The following CACNA1B variants were observed in gnomAD, a reference collection of about 807,000 sequenced individuals.
CACNA1B encodes voltage-dependent N-type calcium channel subunit alpha-1B.
A neutral mutation model predicts 247.2 loss-of-function variants in CACNA1B; 70 were observed. The ratio of observed to expected loss-of-function variants is 0.28; its 90% confidence interval spans 0.23 to 0.35. CACNA1B has a LOEUF of 0.35. Ranked by LOEUF, CACNA1B falls within the 10% of genes least tolerant of loss-of-function variation. CACNA1B has a pLI of 1.00. For synonymous variants in CACNA1B, 1,231 were observed against 1,294.4 expected (o/e 0.95, Z 1.05); for missense variants, 2,367 against 3,197.4 (o/e 0.74, Z 6.26).
intron 3 of CACNA1B, among the ~76,000 whole-genome samples, chr9:137,895,139 C>CA (rs1325313927): frequency 6.6e-6 from 1 of 152,186 alleles, no homozygotes; most frequent in Non-Finnish European, 1.5e-5. Context: ...TGTGCTTTAT[C>CA]AAAAACCAAC....
chr9:138,059,528 G>C lies in CACNA1B; in HGVS notation c.4585-126G>C, dbSNP rs546530177. On this transcript the variant is annotated intron_variant, in intron 30 of 46. Coordinates refer to ENST00000371372, the MANE Select transcript of CACNA1B (RefSeq NM_000718.4). This position sits in a 1 kb window ranked among gnomAD's most constrained non-coding sequence, Gnocchi z 4.2. ...TGTGCTGTGCCCCCTGGGGTGGCCT[G>C]TCTGCCCTGTGCTCAGGGTCTATCA... is the stretch of plus-strand genomic sequence containing the variant. The C allele has an allele frequency of 2.6e-5, 18 of 692,026 alleles. No individual in the cohort carries two copies. The highest frequency in any genetic ancestry group is 1.8e-4 in the African/African-American group (10 of 56,688). 42.9% of individuals were successfully genotyped at this position (692,026 alleles called of 1,614,324 possible). A position where few individuals can be genotyped will look rare whatever the true frequency, so the allele number is the denominator to read the frequency against.
In CACNA1B at chr9:137,892,790, T is replaced by C. The variant is rs1957121232; in HGVS notation, c.530+9907T>C. Among the ~76,000 whole-genome samples the C allele has an allele frequency of 2.0e-5, 3 of 152,220 alleles. No homozygotes were observed. In the South Asian group the frequency reaches 6.2e-4, roughly 32 times the overall value. On this transcript the variant is annotated intron_variant, in intron 3 of 46. Transcript: ENST00000371372. ...AGTACAGCGTGTGGGGAGGGAATGGTGTCCCTGTTCCCATCACGGGCCTAC... is the reference window on the plus strand; with the variant it reads ...AGTACAGCGTGTGGGGAGGGAATGGCGTCCCTGTTCCCATCACGGGCCTAC...
rs1956924554 is a variant in CACNA1B, at chr9:137,881,717, G to C, written c.391-1027G>C. Among the ~76,000 whole-genome samples the C allele has an allele frequency of 6.6e-6, 1 of 152,188 alleles. No individual in the cohort carries two copies. ...ACGCGTGTGCTCACGAGGAGTCTTT[G>C]GGGTCTCCCTAAGCTCCACACAGCC... On this transcript the variant is annotated intron_variant, in intron 2 of 46. Coordinates refer to ENST00000371372, the MANE Select transcript of CACNA1B (RefSeq NM_000718.4). This position sits in a 1 kb window ranked among gnomAD's most constrained non-coding sequence, Gnocchi z 4.3.
chr9:137,941,505 T>C (rs1487471530), intron 6 of CACNA1B, among the ~76,000 whole-genome samples: 1 of 152,230 alleles, frequency 6.6e-6, no homozygotes, highest in East Asian at 1.9e-4. Context: ...ATGACCATAC[T>C]GCCAAAAGCA....
At position 138,003,986 on chromosome 9, in the gene CACNA1B, G is replaced by A. The variant is rs375309045; in HGVS notation, c.1975-2781G>A. On this transcript the variant is annotated intron_variant, in intron 15 of 46. Coordinates refer to ENST00000371372, the MANE Select transcript of CACNA1B (RefSeq NM_000718.4). The stretch of plus-strand genomic sequence containing the variant: ...TGTCAAAGGGCGTGACAGTGCCATG[G>A]GTGGTGTGAGGATGTGATGAAGAAC... 6.6e-4 allele frequency among the ~76,000 whole-genome samples: 101 copies of A among 152,172 alleles called. 2 individuals are homozygous for A. The highest frequency in any genetic ancestry group is 2.2e-3 in the African/African-American group (93 of 41,512).
In CACNA1B at chr9:138,117,932, C is replaced by A. The variant is rs1377407946; in HGVS notation, c.5778-14C>A. On this transcript the variant is annotated splice_polypyrimidine_tract_variant and intron_variant, in intron 42 of 46. Coordinates refer to ENST00000371372, the MANE Select transcript of CACNA1B (RefSeq NM_000718.4). ...TCTGACCCTACAGGAATCTGTTTGT[C>A]TTCTCTGCCACAGACAAAACCAAGA... is the stretch of plus-strand genomic sequence containing the variant. 6.4e-6 allele frequency: 10 copies of A among 1,557,112 alleles called. No homozygotes were observed. Among genetic ancestry groups the A allele is most frequent in the African/African-American group, 1.4e-5 (1 of 73,590 alleles).
chr9:137,958,481 G>C (rs565467623), intron 10 of CACNA1B, among the ~76,000 whole-genome samples: 3 of 152,288 alleles, frequency 2.0e-5, no homozygotes, highest in African/African-American at 7.2e-5. Context: ...TAATCAATTT[G>C]TCTGATTCTA....
At chr9:137,896,012 G>A (rs1311342912) in intron 3 of CACNA1B, among the ~76,000 whole-genome samples, 1 of 152,152 alleles carries the variant, frequency 6.6e-6, no homozygotes. Flanking sequence ...GGCCAAGACA[G>A]GCAGATCACG....
At chr9:137,987,060 G>A (rs1005711677) in intron 15 of CACNA1B, among the ~76,000 whole-genome samples, 23 of 152,194 alleles carry the variant, frequency 1.5e-4, no homozygotes, top group Admixed American at 2.0e-4. Flanking sequence ...CAGCCCCTAC[G>A]GTGAAGGAAG....
chr9:137,987,595 C>T (rs1255897786), intron 15 of CACNA1B, among the ~76,000 whole-genome samples: 3 of 152,226 alleles, frequency 2.0e-5, no homozygotes, highest in African/African-American at 7.2e-5. Flanking sequence ...TGCTGCAGGC[C>T]AGGGGCTTGG....
At chr9:137,968,354 C>T (rs1157244203) in intron 10 of CACNA1B, among the ~76,000 whole-genome samples, 1 of 152,250 alleles carries the variant, frequency 6.6e-6, no homozygotes, top group Admixed American at 6.5e-5. Context: ...CCTGTCGGCC[C>T]TGACGCCTTG....
At chr9:137,970,006 C>T (rs984944903) in intron 10 of CACNA1B, among the ~76,000 whole-genome samples, 4 of 152,164 alleles carry the variant, frequency 2.6e-5, no homozygotes, top group Admixed American at 6.5e-5. Flanking sequence ...ACATAGCACA[C>T]GAGCTATGAG....
At chr9:138,117,864 T>C in intron 42 of CACNA1B, 82 bp from the exon 43 acceptor site, 3 of 1,137,864 alleles carry the variant, frequency 2.6e-6, no homozygotes, top group South Asian at 1.8e-5. Context: ...TGGAGACGCC[T>C]GGCAGGTTGA....
chr9:138,020,844 G>C lies in CACNA1B; in HGVS notation c.2268-2167G>C, dbSNP rs1162097577. Reference sequence around the variant, plus strand: ...ACCTGAATGCAAGGGTGAGGGCAGAGCTATATGGTCTGGAGCCCACCCCAC... The same window carrying C: ...ACCTGAATGCAAGGGTGAGGGCAGACCTATATGGTCTGGAGCCCACCCCAC... On this transcript the variant is annotated intron_variant, in intron 18 of 46. Transcript: ENST00000371372. The surrounding 1 kb of genome is among the most constrained non-coding windows in gnomAD (Gnocchi z 4.1). 6.6e-6 allele frequency among the ~76,000 whole-genome samples: 1 copy of C among 152,352 alleles called. No homozygotes were observed.
At chr9:137,970,179 AC>A (rs1016552335) in intron 10 of CACNA1B, among the ~76,000 whole-genome samples, 31 of 152,190 alleles carry the variant, frequency 2.0e-4, no homozygotes, top group African/African-American at 7.2e-4. Context: ...CATGTAGCAT[AC>A]ACTGCTCCCC....
chr9:138,042,858 A>G (rs1279435406), intron 20 of CACNA1B, among the ~76,000 whole-genome samples: 1 of 152,138 alleles, frequency 6.6e-6, no homozygotes, highest in Non-Finnish European at 1.5e-5. Flanking sequence ...TCTGGGGATT[A>G]GCACCTTCAC....
At chr9:137,932,316 A>C (rs1056257427) in intron 6 of CACNA1B, among the ~76,000 whole-genome samples, 12 of 152,152 alleles carry the variant, frequency 7.9e-5, no homozygotes, top group African/African-American at 2.9e-4. Context: ...TTGCAGTTAA[A>C]GGTATAGTGA....
Position 138,120,217 on chromosome 9 carries a change from G to A in CACNA1B, c.6083G>A (p.Arg2028Gln), listed in dbSNP as rs549039968. 8.3e-5 allele frequency: 134 copies of A among 1,608,492 alleles called. No individual in the cohort carries two copies. The East Asian group carries it at 2.6e-3, about 31-fold the overall frequency. The change falls in exon 45 of 47, where the codon CGG becomes CAG. Residue 2028 changes from arginine to glutamine, a missense_variant. By Grantham distance (43) the Arg-to-Gln change is conservative. This residue lies in a region of CACNA1B where 773 missense variants were observed against 779.4 expected (regional missense o/e 0.99). Coordinates refer to ENST00000371372, the MANE Select transcript of CACNA1B (RefSeq NM_000718.4). ...CGCTCCATCTCCACGCTGGCCCAGCGGCCCCGTGGGACTCATCTTTGCAGC... is the reference window on the plus strand; with the variant it reads ...CGCTCCATCTCCACGCTGGCCCAGCAGCCCCGTGGGACTCATCTTTGCAGC... ...MKRSISTLAQ[R>Q]PRGTHLCSTT...
intron 24 of CACNA1B, among the ~76,000 whole-genome samples, chr9:138,049,651 G>A (rs1959215517): frequency 6.6e-6 from 1 of 152,212 alleles, no homozygotes; most frequent in Non-Finnish European, 1.5e-5. Context: ...AGCCTCTGGT[G>A]TGTCCAGCGT....
Sources: allele counts gnomAD v4.1 joint callset (sites outside exome capture counted in the v4.1 genomes callset), GRCh38; gene constraint gnomAD v4.1.1; regional missense constraint gnomAD v4.1.1; non-coding constraint Gnocchi (gnomAD v3.1); transcripts MANE v1.5; gene names NCBI Gene and HGNC (gene_info 2026-07-23, HGNC 2026-07-21).